NAPB: variants seen among roughly 807,000 people sequenced by gnomAD.
NAPB encodes the protein NSF attachment protein beta.
Under a neutral mutation model 44.7 loss-of-function variants are expected in NAPB, and 26 were observed. That is an observed-to-expected ratio of 0.58 (90% CI 0.43 to 0.81). The LOEUF is 0.81. NAPB is among the 30% of genes least tolerant of loss of function. The pLI is 0.00. For missense variants in NAPB, 315 were observed against 356.4 expected, an observed-to-expected ratio of 0.88 and a Z score of 0.94; for synonymous variants, 120 against 116.8, an observed-to-expected ratio of 1.03 and a Z score of -0.18.
intron 1 of NAPB, among the ~76,000 whole-genome samples, chr20:23,420,739 A>AC (rs1187592605): frequency 6.6e-6 from 1 of 151,368 alleles, no homozygotes; most frequent in Non-Finnish European, 1.5e-5. Context: ...AGGTCGTGGG[A>AC]CCCCCGCACC....
chr20:23,404,606 T>C (rs1454130894), intron 1 of NAPB, among the ~76,000 whole-genome samples: 1 of 152,198 alleles, frequency 6.6e-6, no homozygotes, highest in Non-Finnish European at 1.5e-5. Context: ...TAGGAGTTAT[T>C]ATGAGGATCA....
At chr20:23,384,879 G>T (rs1294257686) in intron 7 of NAPB, among the ~76,000 whole-genome samples, 1 of 152,154 alleles carries the variant, frequency 6.6e-6, no homozygotes, top group Non-Finnish European at 1.5e-5. Context: ...CAGCACTTTG[G>T]GAGGCCAAGG....
At chr20:23,419,502 C>A (rs952708680) in intron 1 of NAPB, among the ~76,000 whole-genome samples, 14 of 152,186 alleles carry the variant, frequency 9.2e-5, no homozygotes, top group African/African-American at 3.1e-4. Context: ...TGCTGTCAAG[C>A]TTTTTCCTCT....
chr20:23,397,007 T>C (rs1273560313), intron 3 of NAPB, 65 bp downstream of exon 3: 7 of 1,519,830 alleles, frequency 4.6e-6, no homozygotes, highest in South Asian at 2.5e-5. Context: ...GACCTTAACG[T>C]TGAGGGAAGT....
chr20:23,392,205 CATCAGGTA>C (rs1984011866), intron 5 of NAPB, among the ~76,000 whole-genome samples: 1 of 152,218 alleles, frequency 6.6e-6, no homozygotes, highest in Non-Finnish European at 1.5e-5. Flanking sequence ...GATGTACCTT[CATCAGGTA>C]ATCTCACATG....
intron 1 of NAPB, among the ~76,000 whole-genome samples, chr20:23,407,965 C>T (rs1244319739): frequency 6.6e-6 from 1 of 152,072 alleles, no homozygotes; most frequent in East Asian, 1.9e-4. Flanking sequence ...AAGGAGACAT[C>T]GTAGAATTGT....
intron 1 of NAPB, among the ~76,000 whole-genome samples, chr20:23,409,951 G>A (rs1266355461): frequency 6.6e-6 from 1 of 152,188 alleles, no homozygotes; most frequent in Non-Finnish European, 1.5e-5. Flanking sequence ...CTCTCAGCAA[G>A]GAAGTGCCCT....
At chr20:23,392,660 G>T (rs967840160) in intron 5 of NAPB, among the ~76,000 whole-genome samples, 1 of 151,364 alleles carries the variant, frequency 6.6e-6, no homozygotes, top group South Asian at 2.1e-4. Context: ...ACAGAATGAG[G>T]CACACGCCAC....
At chr20:23,399,678 G>A (rs1250009393) in intron 2 of NAPB, among the ~76,000 whole-genome samples, 1 of 152,232 alleles carries the variant, frequency 6.6e-6, no homozygotes, top group Non-Finnish European at 1.5e-5. Context: ...TGGGTATCCA[G>A]AAGGGGCAAA....
intron 1 of NAPB, among the ~76,000 whole-genome samples, chr20:23,408,448 A>G (rs141024191): frequency 5.3e-5 from 8 of 152,366 alleles, no homozygotes; most frequent in African/African-American, 1.9e-4. Context: ...AAGCAAATGT[A>G]GAAAGAATCC....
At chr20:23,387,920 T>C (rs1472633424) in intron 7 of NAPB, among the ~76,000 whole-genome samples, 2 of 152,166 alleles carry the variant, frequency 1.3e-5, no homozygotes, top group Admixed American at 6.5e-5. Flanking sequence ...GATTAACGTT[T>C]GCATCAGTAG....
chr20:23,402,822 G>T (rs558254342), intron 2 of NAPB, among the ~76,000 whole-genome samples, 171 bp downstream of exon 2: 1 of 152,094 alleles, frequency 6.6e-6, no homozygotes, highest in East Asian at 1.9e-4. Flanking sequence ...CATTCACTTA[G>T]AGCACACCCC....
intron 1 of NAPB, among the ~76,000 whole-genome samples, chr20:23,403,292 G>T (rs1984986119): frequency 6.6e-6 from 1 of 152,132 alleles, no homozygotes; most frequent in Non-Finnish European, 1.5e-5. Context: ...ACACAGAAAG[G>T]ATAGCTCAGA....
chr20:23,378,157 CAAAA>C lies in NAPB; in HGVS notation c.787-675_787-672del, dbSNP rs35687678. ...TGAAACCTTGTCTCAACAAAAAATG[CAAAA>C]AAAAAAAAAAAAATTAGCTGGGGGT... On this transcript the variant is annotated intron_variant, in intron 10 of 10. Transcript: ENST00000377026. Among the ~76,000 whole-genome samples the C allele has an allele frequency of 4.2e-3, 503 of 120,058 alleles. 2 individuals are homozygous for C. Among genetic ancestry groups the C allele is most frequent in the Non-Finnish European group, 7.0e-3 (393 of 56,108 alleles). 78.8% of individuals were successfully genotyped at this position (120,058 alleles called of 152,430 possible).
intron 5 of NAPB, among the ~76,000 whole-genome samples, chr20:23,391,545 G>C (rs1191424709): frequency 6.6e-6 from 1 of 152,150 alleles, no homozygotes; most frequent in South Asian, 2.1e-4. Context: ...AGTATGAGCA[G>C]CTCTTTAAAC....
At chr20:23,384,056 C>G (rs866594751) in intron 7 of NAPB, among the ~76,000 whole-genome samples, 4 of 152,202 alleles carry the variant, frequency 2.6e-5, no homozygotes, top group Admixed American at 1.3e-4. Context: ...TGTGAATCCA[C>G]TTATATACGG....
chr20:23,384,072 T>C (rs956331755), intron 7 of NAPB, among the ~76,000 whole-genome samples: 1 of 152,228 alleles, frequency 6.6e-6, no homozygotes, highest in African/African-American at 2.4e-5. Context: ...TACGGATTTT[T>C]TTCAACCAAA....
chr20:23,390,368 C>A, intron 5 of NAPB, 104 bp from the exon 6 acceptor site: 1 of 919,962 alleles, frequency 1.1e-6, no homozygotes, highest in Non-Finnish European at 1.7e-6. Context: ...ACTCTACCAG[C>A]AAACTTTTCA....
At chr20:23,402,195 C>G (rs1302819672) in intron 2 of NAPB, among the ~76,000 whole-genome samples, 1 of 152,172 alleles carries the variant, frequency 6.6e-6, no homozygotes, top group East Asian at 1.9e-4. Context: ...TGCCTTGAAA[C>G]AGCTTGTAGA....
Sources: allele counts gnomAD v4.1 joint callset (sites outside exome capture counted in the v4.1 genomes callset), GRCh38; gene constraint gnomAD v4.1.1; transcripts MANE v1.5; gene names NCBI Gene and HGNC (gene_info 2026-07-23, HGNC 2026-07-21).